The following LANCL2 variants were observed in gnomAD, a reference collection of about 807,000 sequenced individuals.
LANCL2 encodes LanC like glutathione S-transferase 2.
In LANCL2, 33 loss-of-function variants were observed where a neutral mutation model predicts 56.9. The ratio of observed to expected loss-of-function variants is 0.58; its 90% CI spans 0.44 to 0.78. The LOEUF (loss-of-function observed/expected upper bound fraction) is 0.78, where lower values mean the gene tolerates loss of function less well. Among genes scored for constraint, LANCL2 ranks in the 30% least tolerant of loss-of-function variants. The pLI, the probability that LANCL2 is intolerant of heterozygous loss-of-function variation, is 0.00. For synonymous variants in LANCL2, 233 were observed against 228.2 expected (o/e 1.02, Z -0.19); for missense variants, 562 against 580.2 (o/e 0.97, Z 0.32).
intron 6 of LANCL2, among the ~76,000 whole-genome samples, chr7:55,421,543 G>A (rs530130383): frequency 2.4e-4 from 37 of 152,006 alleles, no homozygotes; most frequent in Admixed American, 2.1e-3. Flanking sequence ...GGGTTTCACC[G>A]TGTTGGCCAG....
intron 1 of LANCL2, among the ~76,000 whole-genome samples, chr7:55,380,252 T>C (rs557627162): frequency 6.1e-4 from 93 of 152,328 alleles, no homozygotes; most frequent in African/African-American, 2.2e-3. Context: ...ATATGCACGT[T>C]GAAATCCTCT....
chr7:55,383,691 T>C (rs1307084404), intron 1 of LANCL2, among the ~76,000 whole-genome samples: 1 of 152,116 alleles, frequency 6.6e-6, no homozygotes, highest in Non-Finnish European at 1.5e-5. Context: ...TCTGAATAAC[T>C]CCTATAATAG....
chr7:55,388,889 A>G (rs1422291395), intron 1 of LANCL2, among the ~76,000 whole-genome samples: 1 of 151,972 alleles, frequency 6.6e-6, no homozygotes, highest in Non-Finnish European at 1.5e-5. Context: ...TTTCCCGTTT[A>G]TCTCATTGAG....
chr7:55,415,261 C>T (rs1384267175), intron 6 of LANCL2, among the ~76,000 whole-genome samples: 1 of 152,134 alleles, frequency 6.6e-6, no homozygotes, highest in Non-Finnish European at 1.5e-5. Flanking sequence ...TATAATACCC[C>T]CACCAGGGTG....
intron 6 of LANCL2, among the ~76,000 whole-genome samples, chr7:55,424,301 C>T (rs764462751): frequency 1.3e-5 from 2 of 152,214 alleles, no homozygotes; most frequent in African/African-American, 4.8e-5. Flanking sequence ...ACTGAGCCTG[C>T]CTGTCTCTGC....
intron 5 of LANCL2, among the ~76,000 whole-genome samples, chr7:55,411,583 G>A (rs1790470291): frequency 6.6e-6 from 1 of 152,178 alleles, no homozygotes; most frequent in Non-Finnish European, 1.5e-5. Flanking sequence ...AGGAAATCAA[G>A]TATTGGTATT....
intron 5 of LANCL2, 141 bp downstream of exon 5, chr7:55,401,461 AGGCAGT>A (rs2128993782): frequency 2.3e-6 from 1 of 436,978 alleles, no homozygotes; most frequent in East Asian, 5.3e-5. Context: ...CATAAACCAC[AGGCAGT>A]GGATTTCTAA....
At chr7:55,398,899 A>C (rs140254971) in intron 3 of LANCL2, among the ~76,000 whole-genome samples, 1,599 of 152,304 alleles carry the variant, frequency 0.01, 13 homozygotes, top group Middle Eastern at 0.027. Flanking sequence ...CATGAAAATT[A>C]GCTTACCTGC....
intron 1 of LANCL2, among the ~76,000 whole-genome samples, chr7:55,369,233 C>T (rs538471836): frequency 1.3e-5 from 2 of 152,164 alleles, no homozygotes; most frequent in Non-Finnish European, 2.9e-5. Context: ...TTTGTGGTAT[C>T]CCTAGGGTAA....
At chr7:55,391,443 T>C (rs886508043) in intron 1 of LANCL2, among the ~76,000 whole-genome samples, 1 of 152,250 alleles carries the variant, frequency 6.6e-6, no homozygotes, top group Non-Finnish European at 1.5e-5. Flanking sequence ...ATTTCCCCTT[T>C]GTCATTAACT....
At chr7:55,388,220 C>T (rs989415588) in intron 1 of LANCL2, among the ~76,000 whole-genome samples, 8 of 152,080 alleles carry the variant, frequency 5.3e-5, no homozygotes, top group African/African-American at 1.9e-4. Flanking sequence ...TAAGGCTCGA[C>T]CCCTGGATTG....
At chr7:55,418,063 A>C (rs1447189929) in intron 6 of LANCL2, among the ~76,000 whole-genome samples, 1 of 152,156 alleles carries the variant, frequency 6.6e-6, no homozygotes, top group Non-Finnish European at 1.5e-5. Flanking sequence ...AATTTCTGTC[A>C]ATAGTGCTTT....
At chr7:55,379,032 G>GAGGCAGGAGAATGGTGTGA (rs992393682) in intron 1 of LANCL2, among the ~76,000 whole-genome samples, 2 of 152,190 alleles carry the variant, frequency 1.3e-5, no homozygotes, top group African/African-American at 2.4e-5. Context: ...TCGGGAAGCT[G>GAGGCAGGAGAATGGTGTGA]AGGCAGGAGA....
At chr7:55,386,789 C>T (rs973924403) in intron 1 of LANCL2, among the ~76,000 whole-genome samples, 14 of 152,284 alleles carry the variant, frequency 9.2e-5, no homozygotes, top group African/African-American at 3.1e-4. Context: ...GGTCATAGAG[C>T]TGGCCCTACT....
chr7:55,402,924 G>A (rs1003650075), intron 5 of LANCL2, among the ~76,000 whole-genome samples: 9 of 151,572 alleles, frequency 5.9e-5, no homozygotes, highest in Non-Finnish European at 1.3e-4. Flanking sequence ...ATGGGATGGC[G>A]GCTGGGCAGA....
At chr7:55,406,478 G>T (rs933384932) in intron 5 of LANCL2, among the ~76,000 whole-genome samples, 3 of 152,182 alleles carry the variant, frequency 2.0e-5, no homozygotes, top group Non-Finnish European at 4.4e-5. Context: ...AGCCTCATGG[G>T]GTCAGCAGGG....
intron 2 of LANCL2, among the ~76,000 whole-genome samples, chr7:55,397,721 T>G (rs1790272015): frequency 7.0e-6 from 1 of 142,932 alleles, no homozygotes; most frequent in African/African-American, 2.6e-5. Context: ...TGTAAGGACA[T>G]GCTTCTTTAA....
At chr7:55,414,575 C>T (rs1790505591) in intron 6 of LANCL2, among the ~76,000 whole-genome samples, 1 of 152,160 alleles carries the variant, frequency 6.6e-6, no homozygotes, top group South Asian at 2.1e-4. Context: ...TATTTTCCCT[C>T]CCTGTAGATG....
chr7:55,423,637 A>G (rs955430383), intron 6 of LANCL2, among the ~76,000 whole-genome samples: 6 of 152,246 alleles, frequency 3.9e-5, no homozygotes, highest in Non-Finnish European at 8.8e-5. Context: ...AGCACTTCCC[A>G]TGTGCCAGGC....
Sources: gnomAD v4.1 joint callset for allele counts (sites outside exome capture counted in the v4.1 genomes callset) on GRCh38, gnomAD v4.1.1 for gene constraint, MANE v1.5 for transcripts, NCBI Gene and HGNC (gene_info 2026-07-23, HGNC 2026-07-21) for gene names.